The following RASSF3 variants were observed in gnomAD, a reference collection of about 807,000 sequenced individuals.
RASSF3 encodes ras association domain-containing protein 3.
A neutral mutation model predicts 19.9 loss-of-function variants in RASSF3; 19 were observed. The observed-to-expected ratio is 0.96, with a 90% confidence interval of 0.67 to 1.40. RASSF3 has a LOEUF of 1.40. RASSF3 is among the 40% of genes most tolerant of loss of function. The pLI, the probability that RASSF3 is intolerant of heterozygous loss-of-function variation, is 0.00. For synonymous variants in RASSF3, 110 were observed against 104.2 expected (o/e 1.06, Z -0.34); for missense variants, 306 against 289.8 (o/e 1.06, Z -0.41).
At chr12:64,694,634 A>G in intron 4 of RASSF3, 129 bp from the exon 5 acceptor site, 1 of 1,006,752 alleles carries the variant, frequency 9.9e-7, no homozygotes, top group South Asian at 1.5e-5. Flanking sequence ...CAGCTCTTGC[A>G]GACCACACCT....
upstream of RASSF3, among the ~76,000 whole-genome samples, chr12:64,608,206 T>C (rs1218481331): frequency 6.6e-6 from 1 of 152,172 alleles, no homozygotes; most frequent in Non-Finnish European, 1.5e-5. Context: ...CATGCCTTTT[T>C]ATTATAACTG....
upstream of RASSF3, among the ~76,000 whole-genome samples, chr12:64,531,563 C>T (rs947663314): frequency 1.3e-5 from 2 of 152,200 alleles, no homozygotes; most frequent in Non-Finnish European, 2.9e-5. Flanking sequence ...TTTTTAACCT[C>T]ACTTTTTTCT....
chr12:64,651,602 C>T (rs923855393), intron 1 of RASSF3, among the ~76,000 whole-genome samples: 1 of 152,142 alleles, frequency 6.6e-6, no homozygotes. Flanking sequence ...TCAAGTGATT[C>T]ACCCTCCTCG....
intron 1 of RASSF3, among the ~76,000 whole-genome samples, chr12:64,680,902 G>T (rs1340187897): frequency 2.0e-5 from 3 of 152,072 alleles, no homozygotes; most frequent in Admixed American, 6.6e-5. Flanking sequence ...GTGAGCCACC[G>T]CGCCCAGCCA....
At chr12:64,635,461 A>G (rs1485354812) in intron 1 of RASSF3, among the ~76,000 whole-genome samples, 1 of 152,214 alleles carries the variant, frequency 6.6e-6, no homozygotes, top group African/African-American at 2.4e-5. Context: ...TTTAATGACC[A>G]CTGTCAATGT....
intron 2 of RASSF3, among the ~76,000 whole-genome samples, chr12:64,591,688 T>C (rs1419764182): frequency 6.6e-6 from 1 of 152,186 alleles, no homozygotes; most frequent in African/African-American, 2.4e-5. Context: ...TGCCTCTAAA[T>C]ATTCAGTAGG....
At chr12:64,640,063 T>G (rs1871461622) in intron 1 of RASSF3, among the ~76,000 whole-genome samples, 1 of 152,254 alleles carries the variant, frequency 6.6e-6, no homozygotes, top group South Asian at 2.1e-4. Context: ...GTCTTTTATA[T>G]TCTCTGCTTT....
Position 64,610,585 on chromosome 12 carries a change from G to T in RASSF3, c.-48G>T. 8.3e-7 allele frequency: 1 copy of T among 1,206,212 alleles called. No homozygotes were observed. The highest frequency in any genetic ancestry group is 1.1e-6 in the Non-Finnish European group (1 of 911,350). 74.7% of individuals were successfully genotyped at this position (1,206,212 alleles called of 1,614,324 possible). ...TGGCGGGCGCCGCACCCCCTCCCTG[G>T]CCGCCTGCGCCCCGGGGAGGCCGCC... On this transcript the variant is annotated 5_prime_UTR_variant, in exon 1 of 5. Coordinates refer to ENST00000542104, the MANE Select transcript of RASSF3 (RefSeq NM_178169.4).
intron 2 of RASSF3, among the ~76,000 whole-genome samples, chr12:64,569,773 C>T (rs1457861076): frequency 6.6e-6 from 1 of 152,168 alleles, no homozygotes. Flanking sequence ...CAAGATCAGC[C>T]TGACCAACAT....
At chr12:64,589,094 A>G (rs1194348922) in intron 2 of RASSF3, among the ~76,000 whole-genome samples, 2 of 152,258 alleles carry the variant, frequency 1.3e-5, no homozygotes, top group African/African-American at 4.8e-5. Context: ...TGCTACATAA[A>G]TCAAAGAACA....
chr12:64,684,913 A>G lies in RASSF3; in HGVS notation c.219+19A>G, dbSNP rs773600368. 7.1e-6 allele frequency: 10 copies of G among 1,410,738 alleles called. No homozygotes were observed. The highest frequency in any genetic ancestry group is 7.0e-6 in the Non-Finnish European group (7 of 996,084). The allele number at this position is 1,410,738 out of a possible 1,614,324, so 87.4% of individuals were successfully genotyped here. A position where few individuals can be genotyped will look rare whatever the true frequency, so the allele number is the denominator to read the frequency against. ...GACCTTGGTAAGCACTCAAAATACT[A>G]TTTAGGTTGACACCTGTCAAAAGAC... On this transcript the variant is annotated intron_variant, in intron 2 of 4. Coordinates refer to ENST00000542104, the MANE Select transcript of RASSF3 (RefSeq NM_178169.4).
intron 1 of RASSF3, among the ~76,000 whole-genome samples, chr12:64,626,460 C>T (rs2136169203): frequency 6.9e-6 from 1 of 145,840 alleles, no homozygotes; most frequent in African/African-American, 2.6e-5. Flanking sequence ...TGCACTCCAG[C>T]CTGGGCAACA....
chr12:64,621,189 G>T (rs886696761), intron 1 of RASSF3, among the ~76,000 whole-genome samples: 3 of 152,152 alleles, frequency 2.0e-5, no homozygotes, highest in African/African-American at 7.2e-5. Context: ...ACCCACCTCG[G>T]CCTCCCAAAG....
In RASSF3 at chr12:64,566,150, G is replaced by A. The variant is rs1050221404; in HGVS notation, c.294+24445G>A. Reference sequence around the variant, plus strand: ...CGGGAGGCAGAGGTTGCAGTGAGCCGAGATTGTGCCACTGCACTCCAGCCT... The same window carrying A: ...CGGGAGGCAGAGGTTGCAGTGAGCCAAGATTGTGCCACTGCACTCCAGCCT... On this transcript the variant is annotated intron_variant, in intron 2 of 5. Transcript: ENST00000637125. Among the ~76,000 whole-genome samples the A allele has an allele frequency of 1.8e-4, 27 of 151,710 alleles. No individual in the cohort carries two copies. In the South Asian group the frequency reaches 3.3e-3, roughly 19 times the overall value.
exon 2 of RASSF3, chr12:64,541,618 G>A: frequency 2.5e-6 from 1 of 398,516 alleles, no homozygotes; most frequent in Non-Finnish European, 4.4e-6. Flanking sequence ...GCCGAGACCT[G>A]GTACATCTGG....
chr12:64,657,535 C>G (rs1317719435), intron 1 of RASSF3, among the ~76,000 whole-genome samples: 1 of 152,142 alleles, frequency 6.6e-6, no homozygotes, highest in Non-Finnish European at 1.5e-5. Flanking sequence ...GATTGTCTAC[C>G]AGGCCAGGCA....
intron 1 of RASSF3, among the ~76,000 whole-genome samples, chr12:64,518,620 T>C (rs866439883): frequency 6.6e-6 from 1 of 152,220 alleles, no homozygotes; most frequent in African/African-American, 2.4e-5. Context: ...ATGCAAGCCA[T>C]ATTACCATCA....
chr12:64,643,335 G>C (rs950764687), intron 1 of RASSF3, among the ~76,000 whole-genome samples: 1 of 152,136 alleles, frequency 6.6e-6, no homozygotes, highest in Non-Finnish European at 1.5e-5. Context: ...TAGATGCACA[G>C]ATACTCACAA....
chr12:64,691,244 A>G (rs1868274760), intron 3 of RASSF3, among the ~76,000 whole-genome samples: 1 of 152,230 alleles, frequency 6.6e-6, no homozygotes, highest in Non-Finnish European at 1.5e-5. Context: ...TATTCTTGAA[A>G]ATAATTTCCT....
Sources: allele counts gnomAD v4.1 joint callset (sites outside exome capture counted in the v4.1 genomes callset), GRCh38; gene constraint gnomAD v4.1.1; transcripts MANE v1.5; gene names NCBI Gene and HGNC (gene_info 2026-07-23, HGNC 2026-07-21).